Variants in TTC28 observed in about 807,000 individuals in gnomAD.
The protein encoded by TTC28 is tetratricopeptide repeat domain 28, also known as tetratricopeptide repeat protein 28.
A neutral mutation model predicts 198.0 loss-of-function variants in TTC28; 61 were observed. The observed-to-expected ratio is 0.31, with a 90% CI of 0.25 to 0.38. TTC28 has a LOEUF of 0.38. TTC28 is among the 10% of genes least tolerant of loss of function. TTC28 has a pLI of 1.00. For missense variants in TTC28, 2,678 were observed against 3,164.0 expected, an observed-to-expected ratio of 0.85 and a Z score of 3.69; for synonymous variants, 1,171 against 1,297.8, an observed-to-expected ratio of 0.90 and a Z score of 2.10.
intron 12 of TTC28, among the ~76,000 whole-genome samples, chr22:28,080,963 C>T (rs889472134): frequency 2.6e-5 from 4 of 151,978 alleles, no homozygotes; most frequent in African/African-American, 7.2e-5. Flanking sequence ...CATTGTGTTG[C>T]CTTTGTACCC....
At chr22:28,236,599 C>T (rs778158544) in intron 5 of TTC28, among the ~76,000 whole-genome samples, 33 of 152,130 alleles carry the variant, frequency 2.2e-4, no homozygotes, top group Non-Finnish European at 4.3e-4. Context: ...TGCAAAGCTT[C>T]GGGTGACCAA....
intron 2 of TTC28, among the ~76,000 whole-genome samples, chr22:28,460,666 GA>G (rs2048115665): frequency 1.4e-5 from 2 of 139,372 alleles, no homozygotes; most frequent in East Asian, 4.5e-4. Context: ...TAGATAGATA[GA>G]CAGACAGACA....
intron 14 of TTC28, among the ~76,000 whole-genome samples, chr22:28,012,191 G>T (rs1938190164): frequency 6.6e-6 from 1 of 152,186 alleles, no homozygotes; most frequent in Non-Finnish European, 1.5e-5. Flanking sequence ...TTCCTCCAAG[G>T]TATGGCACAT....
intron 2 of TTC28, among the ~76,000 whole-genome samples, chr22:28,377,536 A>C (rs1286796028): frequency 6.6e-6 from 1 of 152,210 alleles, no homozygotes; most frequent in Non-Finnish European, 1.5e-5. Context: ...ACAGAGCCAC[A>C]ACTAGATCAG....
At chr22:28,345,275 A>C (rs375147639) in intron 2 of TTC28, among the ~76,000 whole-genome samples, 5 of 152,222 alleles carry the variant, frequency 3.3e-5, no homozygotes, top group African/African-American at 9.7e-5. Flanking sequence ...AGTTCTAGTT[A>C]ATAGAACATC....
At chr22:28,544,212 C>T (rs1314389256) in intron 2 of TTC28, among the ~76,000 whole-genome samples, 2 of 151,876 alleles carry the variant, frequency 1.3e-5, no homozygotes, top group South Asian at 2.1e-4. Flanking sequence ...AGTGAGACTC[C>T]GTCTCAAAAA....
At chr22:28,170,489 CAA>C (rs71791002) in intron 5 of TTC28, among the ~76,000 whole-genome samples, 34 of 99,978 alleles carry the variant, frequency 3.4e-4, no homozygotes, top group Admixed American at 4.6e-4. Flanking sequence ...ACTCCGTCTC[CAA>C]AAAAAAAAAA....
chr22:28,190,837 C>A (rs1365564398), intron 5 of TTC28, among the ~76,000 whole-genome samples: 1 of 152,092 alleles, frequency 6.6e-6, no homozygotes, highest in Non-Finnish European at 1.5e-5. Flanking sequence ...GTTTTGAGGC[C>A]CCGTTCTTAT....
chr22:28,215,240 C>G (rs1569203228), intron 5 of TTC28, among the ~76,000 whole-genome samples: 1 of 152,086 alleles, frequency 6.6e-6, no homozygotes, highest in Non-Finnish European at 1.5e-5. Flanking sequence ...ATGTAACAAA[C>G]CTGCACGTTG....
At chr22:28,105,865 C>G in intron 7 of TTC28, 63 bp from the exon 8 acceptor site, 1 of 1,462,002 alleles carries the variant, frequency 6.8e-7, no homozygotes, top group Non-Finnish European at 9.0e-7. Context: ...ATGCTAAAGC[C>G]CCTGAGAAAA....
intron 2 of TTC28, among the ~76,000 whole-genome samples, chr22:28,373,359 G>A (rs1450582857): frequency 1.3e-5 from 2 of 152,044 alleles, no homozygotes; most frequent in African/African-American, 4.8e-5. Context: ...CAAGCATCCA[G>A]TGTTTTTTAA....
rs150093197 is a variant in TTC28, at chr22:28,552,180, C to T, written c.381+77372G>A. On this transcript the variant is annotated intron_variant, in intron 2 of 22. Coordinates refer to ENST00000397906, the MANE Select transcript of TTC28 (RefSeq NM_001145418.2). Reference sequence around the variant, plus strand: ...TTAGGAATATACCTAACCAAGGAGGCGAAAGACCTCTACAAGGAAAACTAC... The same window carrying T: ...TTAGGAATATACCTAACCAAGGAGGTGAAAGACCTCTACAAGGAAAACTAC... Among the ~76,000 whole-genome samples the T allele has an allele frequency of 1.9e-3, 295 of 152,064 alleles. 3 individuals carry two copies. In the East Asian group the frequency reaches 0.023, roughly 12 times the overall value.
At chr22:27,988,414 A>C (rs577829751) in intron 21 of TTC28, among the ~76,000 whole-genome samples, 1 of 150,802 alleles carries the variant, frequency 6.6e-6, no homozygotes, top group African/African-American at 2.4e-5. Flanking sequence ...CAGCCTCCTG[A>C]GTAGCTGGGA....
At chr22:28,364,881 T>C (rs542889129) in intron 2 of TTC28, among the ~76,000 whole-genome samples, 2 of 152,376 alleles carry the variant, frequency 1.3e-5, no homozygotes, top group South Asian at 4.1e-4. Flanking sequence ...GTGAACACTG[T>C]TGAAATTACA....
intron 12 of TTC28, among the ~76,000 whole-genome samples, chr22:28,076,031 A>G (rs1333281004): frequency 6.6e-6 from 1 of 152,196 alleles, no homozygotes; most frequent in East Asian, 1.9e-4. Flanking sequence ...AAATGGCAGT[A>G]CCCTATTTTA....
At chr22:28,246,771 A>G (rs1930132642) in intron 5 of TTC28, among the ~76,000 whole-genome samples, 1 of 152,178 alleles carries the variant, frequency 6.6e-6, no homozygotes, top group Admixed American at 6.5e-5. Context: ...CAAAGCTCCT[A>G]TTATTCTTAG....
chr22:28,492,129 G>A (rs1428892940), intron 2 of TTC28, among the ~76,000 whole-genome samples: 1 of 150,236 alleles, frequency 6.7e-6, no homozygotes, highest in Admixed American at 6.6e-5. Flanking sequence ...GGGGAGCGGG[G>A]AGGGATAGCA....
intron 14 of TTC28, among the ~76,000 whole-genome samples, chr22:28,011,363 A>G (rs1938155133): frequency 6.6e-6 from 1 of 152,208 alleles, no homozygotes; most frequent in African/African-American, 2.4e-5. Context: ...TGGGAAGCCA[A>G]AGCAGATGGA....
intron 8 of TTC28, among the ~76,000 whole-genome samples, chr22:28,103,215 T>C (rs1942205427): frequency 6.6e-6 from 1 of 152,092 alleles, no homozygotes; most frequent in Non-Finnish European, 1.5e-5. Flanking sequence ...CCCATCCAGC[T>C]CTCCTAGAAC....
Sources: gnomAD v4.1 joint callset for allele counts (sites outside exome capture counted in the v4.1 genomes callset) on GRCh38, gnomAD v4.1.1 for gene constraint, MANE v1.5 for transcripts, NCBI Gene and HGNC (gene_info 2026-07-23, HGNC 2026-07-21) for gene names.